Variants in CMIP observed in about 807,000 individuals in gnomAD.
CMIP encodes c-Maf inducing protein.
A neutral mutation model predicts 97.3 loss-of-function variants in CMIP; 13 were observed. That is an observed-to-expected ratio of 0.13 (90% CI 0.09 to 0.21). The LOEUF is 0.21. Ranked by LOEUF, CMIP falls within the 10% of genes least tolerant of loss-of-function variation. CMIP has a pLI of 1.00. For missense variants in CMIP, 847 were observed against 1,024.9 expected (o/e 0.83, Z 2.37); for synonymous variants, 538 against 436.3 (o/e 1.23, Z -2.91).
At chr16:81,563,890 C>G (rs2090931817) in intron 1 of CMIP, among the ~76,000 whole-genome samples, 2 of 152,258 alleles carry the variant, frequency 1.3e-5, no homozygotes, top group African/African-American at 4.8e-5. Flanking sequence ...TTGCAGACCA[C>G]AAGCTGGACA....
At chr16:81,494,905 G>A (rs1355466010) in intron 1 of CMIP, among the ~76,000 whole-genome samples, 6 of 152,224 alleles carry the variant, frequency 3.9e-5, no homozygotes, top group Non-Finnish European at 8.8e-5. Flanking sequence ...AAGGAAGCCC[G>A]TGAGTTGGGC....
rs114334010 is a variant in CMIP at position 81,496,050 on chromosome 16, C to T, written c.300+50509C>T. On this transcript the variant is annotated intron_variant, in intron 1 of 20. Coordinates refer to ENST00000537098, the MANE Select transcript of CMIP (RefSeq NM_198390.3). The stretch of plus-strand genomic sequence containing the variant: ...AAGGGAGAGCAAGTGAGCCAGGGAC[C>T]GAGGGTGGGGCTTTGAAGATGCTGT... Among the ~76,000 whole-genome samples, 7 of 152,048 alleles carry T rather than the reference C, an allele frequency of 4.6e-5. No individual in the cohort carries two copies. The East Asian group carries it at 5.8e-4, about 13-fold the overall frequency.
At chr16:81,637,635 C>T (rs905540321) in intron 3 of CMIP, among the ~76,000 whole-genome samples, 2 of 150,496 alleles carry the variant, frequency 1.3e-5, no homozygotes, top group African/African-American at 4.9e-5. Flanking sequence ...TGTGATGATG[C>T]ACACATCTGC....
At chr16:81,478,845 C>T (rs1464785630) in intron 1 of CMIP, among the ~76,000 whole-genome samples, 1 of 152,160 alleles carries the variant, frequency 6.6e-6, no homozygotes, top group Non-Finnish European at 1.5e-5. Flanking sequence ...TCTGTCACAC[C>T]CTGCCCTTCT....
Position 81,699,724 on chromosome 16 carries a change from T to C in CMIP, c.1678T>C (p.Phe560Leu). The C allele has an allele frequency of 6.2e-7, 1 of 1,613,680 alleles. No homozygotes were observed. The highest frequency in any genetic ancestry group is 8.5e-7 in the Non-Finnish European group (1 of 1,179,752). The change falls in exon 15 of 21, where the codon TTC becomes CTC. Residue 560 changes from phenylalanine (F) to leucine (L), a missense_variant. Physicochemically the swap from Phe to Leu is conservative, Grantham distance 22. Around this residue, in one of 4 missense-constraint regions of CMIP, gnomAD observed 266 missense variants for 384.2 expected, o/e 0.69. Transcript: ENST00000537098. ...LMGSCYKTKK[F>L]LLSLAENKLG... Reference sequence around the variant, plus strand: ...GGGCTCCTGTTACAAGACCAAAAAATTCCTGCTCTCCCTGGCAGAAAACAA... The same window carrying C: ...GGGCTCCTGTTACAAGACCAAAAAACTCCTGCTCTCCCTGGCAGAAAACAA...
intron 1 of CMIP, among the ~76,000 whole-genome samples, chr16:81,450,081 G>A (rs756826742): frequency 2.6e-5 from 4 of 152,158 alleles, no homozygotes; most frequent in Admixed American, 1.3e-4. Context: ...GTGTCTCATC[G>A]GGCAGTGAGA....
chr16:81,493,839 G>A (rs2089444423), intron 1 of CMIP, among the ~76,000 whole-genome samples: 1 of 152,238 alleles, frequency 6.6e-6, no homozygotes. Context: ...GGGATTGCAG[G>A]TGACCCACGT....
intron 1 of CMIP, among the ~76,000 whole-genome samples, chr16:81,567,729 G>C (rs9936848): frequency 0.045 from 6,896 of 152,288 alleles, 196 homozygotes; most frequent in African/African-American, 0.086. Context: ...TGTGTCGTCT[G>C]CACAGAACTG....
intron 1 of CMIP, among the ~76,000 whole-genome samples, chr16:81,596,650 C>T (rs2091562210): frequency 6.6e-6 from 1 of 152,142 alleles, no homozygotes; most frequent in African/African-American, 2.4e-5. Context: ...ATGCTGCCAG[C>T]CCTCCCCAGA....
chr16:81,644,292 C>A (rs1289705834), intron 3 of CMIP, among the ~76,000 whole-genome samples: 1 of 152,140 alleles, frequency 6.6e-6, no homozygotes, highest in Non-Finnish European at 1.5e-5. Flanking sequence ...TGCCTCCTTC[C>A]CTGGAAAATT....
intron 1 of CMIP, among the ~76,000 whole-genome samples, chr16:81,532,462 A>C (rs2090257358): frequency 6.6e-6 from 1 of 152,110 alleles, no homozygotes; most frequent in Non-Finnish European, 1.5e-5. Flanking sequence ...TAAATCCCTG[A>C]ACTTATTCGC....
chr16:81,683,794 C>G (rs1905115376), intron 10 of CMIP, among the ~76,000 whole-genome samples: 1 of 128,964 alleles, frequency 7.8e-6, no homozygotes, highest in Admixed American at 8.7e-5. Context: ...TGGAGTCACG[C>G]TCTCTCACCC....
intron 1 of CMIP, among the ~76,000 whole-genome samples, chr16:81,514,130 A>G (rs957187861): frequency 6.6e-6 from 1 of 152,226 alleles, no homozygotes; most frequent in African/African-American, 2.4e-5. Context: ...GACTGACTTC[A>G]TGTATTTACT....
rs150880463 is a variant in CMIP, at chr16:81,539,843, C to T, written c.301-67724C>T. Among the ~76,000 whole-genome samples the T allele has an allele frequency of 1.2e-3, 176 of 152,314 alleles. 1 individual carries two copies. The highest frequency in any genetic ancestry group is 4.1e-3 in the African/African-American group (171 of 41,576). On this transcript the variant is annotated intron_variant, in intron 1 of 20. Transcript: ENST00000537098. Reference sequence around the variant, plus strand: ...TCATTCTCTTTATGAATGCACAGTTCATAGCATGTGATTCATAGCACAATT... The same window carrying T: ...TCATTCTCTTTATGAATGCACAGTTTATAGCATGTGATTCATAGCACAATT...
chr16:81,624,370 T>C (rs2092031695), intron 3 of CMIP, among the ~76,000 whole-genome samples: 1 of 152,100 alleles, frequency 6.6e-6, no homozygotes, highest in Non-Finnish European at 1.5e-5. Context: ...TGTCATTTTC[T>C]CTCCTACACC....
At chr16:81,664,498 A>G (rs2092582217) in intron 7 of CMIP, 149 bp downstream of exon 7, 1 of 670,308 alleles carries the variant, frequency 1.5e-6, no homozygotes, top group Non-Finnish European at 2.5e-6. Context: ...CTGGTTAAGG[A>G]CTTTTGGGGG....
At chr16:81,482,523 C>T (rs965534063) in intron 1 of CMIP, among the ~76,000 whole-genome samples, 7 of 152,074 alleles carry the variant, frequency 4.6e-5, no homozygotes, top group Non-Finnish European at 7.4e-5. Context: ...GAGTTGGTCA[C>T]CTGCTAAGTA....
At chr16:81,669,181 C>T (rs1423086926) in intron 7 of CMIP, among the ~76,000 whole-genome samples, 1 of 136,582 alleles carries the variant, frequency 7.3e-6, no homozygotes, top group South Asian at 2.6e-4. Context: ...CTTCCACACC[C>T]ACCTCTCACC....
At chr16:81,626,955 G>C (rs1407651754) in intron 3 of CMIP, among the ~76,000 whole-genome samples, 1 of 150,416 alleles carries the variant, frequency 6.6e-6, no homozygotes, top group African/African-American at 2.5e-5. Flanking sequence ...GGGTGACTGA[G>C]TGTGTGTGTG....
Sources: gnomAD v4.1 joint callset for allele counts (sites outside exome capture counted in the v4.1 genomes callset) on GRCh38, gnomAD v4.1.1 for gene constraint, gnomAD v4.1.1 regional missense constraint, MANE v1.5 for transcripts, NCBI Gene and HGNC (gene_info 2026-07-23, HGNC 2026-07-21) for gene names.